The following TSHZ1 variants were observed in gnomAD, a reference collection of about 807,000 sequenced individuals.
TSHZ1 encodes the protein teashirt zinc finger homeobox 1.
A neutral mutation model predicts 67.1 loss-of-function variants in TSHZ1; 12 were observed. The ratio of observed to expected loss-of-function variants is 0.18; its 90% CI spans 0.11 to 0.29. The LOEUF (loss-of-function observed/expected upper bound fraction) is 0.29, where lower values mean the gene tolerates loss of function less well. Ranked by LOEUF, TSHZ1 falls within the 10% of genes least tolerant of loss-of-function variation. The pLI, the probability that TSHZ1 is intolerant of heterozygous loss-of-function variation, is 1.00. For synonymous variants in TSHZ1, 632 were observed against 622.4 expected (o/e 1.02, Z -0.23); for missense variants, 1,305 against 1,413.9 (o/e 0.92, Z 1.23).
intron 1 of TSHZ1, chr18:75,282,824 AC>A (rs971080380): frequency 1.3e-5 from 2 of 152,306 alleles, no homozygotes; most frequent in Admixed American, 6.5e-5. Flanking sequence ...ACTTATTAGC[AC>A]ACACAGGTTG....
intron 1 of TSHZ1, among the ~76,000 whole-genome samples, chr18:75,250,712 G>C (rs1033348066): frequency 6.6e-6 from 1 of 152,254 alleles, no homozygotes; most frequent in Admixed American, 6.5e-5. Context: ...CAGAGCTCGT[G>C]GGCCGGGCCT....
intron 1 of TSHZ1, among the ~76,000 whole-genome samples, chr18:75,216,651 G>A (rs777150747): frequency 3.3e-5 from 5 of 152,196 alleles, no homozygotes; most frequent in Non-Finnish European, 7.3e-5. Context: ...CCCTATTCTG[G>A]TCGTTGGATG....
intron 1 of TSHZ1, among the ~76,000 whole-genome samples, chr18:75,274,274 A>T (rs1176278471): frequency 6.6e-6 from 1 of 152,206 alleles, no homozygotes; most frequent in Non-Finnish European, 1.5e-5. Flanking sequence ...ACGTAATTGT[A>T]AAAGAAGAAT....
In TSHZ1 at chr18:75,287,419, C is replaced by T. The variant is rs138822817; in HGVS notation, c.2012C>T (p.Ser671Phe). The stretch of plus-strand genomic sequence containing the variant: ...AAGAGCTCCCTGGCCAAGGCTGCGT[C>T]CCCCATAGCAAAAGAGAATAAAGAT... Reference protein sequence around the residue: ...KEKSSLAKAASPIAKENKDFP... With the variant: ...KEKSSLAKAAFPIAKENKDFP... Residue 671 changes from serine (S) to phenylalanine (F), a missense_variant, in exon 2 of 2, where the codon TCC (serine) becomes TTC (phenylalanine). Physicochemically the swap from Ser to Phe is radical, Grantham distance 155 (BLOSUM62 -2). Coordinates refer to ENST00000580243, the MANE Select transcript of TSHZ1 (RefSeq NM_001308210.2). The surrounding 1 kb of genome is among the most constrained non-coding windows in gnomAD (Gnocchi z 5.0). 2 of 1,614,102 alleles carry T rather than the reference C, an allele frequency of 1.2e-6. No individual in the cohort carries two copies. The highest frequency in any genetic ancestry group is 1.7e-6 in the Non-Finnish European group (2 of 1,180,004).
intron 1 of TSHZ1, among the ~76,000 whole-genome samples, chr18:75,227,745 G>A (rs887795793): frequency 2.6e-5 from 4 of 152,172 alleles, no homozygotes; most frequent in African/African-American, 4.8e-5. Context: ...TGTTGCCTTC[G>A]CCAGGAACTT....
intron 1 of TSHZ1, among the ~76,000 whole-genome samples, chr18:75,216,669 A>G (rs78872279): frequency 0.026 from 3,945 of 152,316 alleles, 176 homozygotes; most frequent in African/African-American, 0.089. Flanking sequence ...ATGGCTGCAT[A>G]TGGGTGCAGA....
At chr18:75,226,224 A>C (rs966776200) in intron 1 of TSHZ1, among the ~76,000 whole-genome samples, 4 of 152,210 alleles carry the variant, frequency 2.6e-5, no homozygotes, top group Non-Finnish European at 4.4e-5. Context: ...CGTTATGTTT[A>C]ATTTTCCTCA....
intron 1 of TSHZ1, among the ~76,000 whole-genome samples, chr18:75,215,646 C>G (rs1352717287): frequency 1.3e-5 from 2 of 152,190 alleles, no homozygotes; most frequent in South Asian, 4.1e-4. Context: ...ACTGCAATAT[C>G]ATTGCAAAAT....
At chr18:75,252,502 G>A (rs1284443992) in intron 1 of TSHZ1, among the ~76,000 whole-genome samples, 3 of 152,098 alleles carry the variant, frequency 2.0e-5, no homozygotes, top group Admixed American at 6.5e-5. Context: ...CTTTTAAAGT[G>A]ATGTTTAAAG....
chr18:75,283,200 C>T (rs2023708140), intron 1 of TSHZ1: 1 of 152,432 alleles, frequency 6.6e-6, no homozygotes, highest in Non-Finnish European at 1.5e-5. Context: ...ATCCTGCAGC[C>T]TTCAGAGTCA....
chr18:75,250,563 G>A (rs2023288467), intron 1 of TSHZ1, among the ~76,000 whole-genome samples: 1 of 152,228 alleles, frequency 6.6e-6, no homozygotes, highest in Non-Finnish European at 1.5e-5. Context: ...CCAGCCAGGC[G>A]GTAGAGGGTC....
chr18:75,250,023 G>A (rs1009468167), intron 1 of TSHZ1, among the ~76,000 whole-genome samples: 2 of 147,998 alleles, frequency 1.4e-5, no homozygotes, highest in East Asian at 2.1e-4. Flanking sequence ...GGTGGAGGAC[G>A]CATGACTTCC....
chr18:75,275,374 T>C (rs1461189539), intron 1 of TSHZ1, among the ~76,000 whole-genome samples: 1 of 152,206 alleles, frequency 6.6e-6, no homozygotes, highest in Non-Finnish European at 1.5e-5. Flanking sequence ...CGTGCAGTGC[T>C]GTGAAGGTAA....
At chr18:75,253,022 T>C (rs2023322763) in intron 1 of TSHZ1, among the ~76,000 whole-genome samples, 1 of 152,220 alleles carries the variant, frequency 6.6e-6, no homozygotes, top group Non-Finnish European at 1.5e-5. Flanking sequence ...AGCATCTTTA[T>C]AGTGGTAAAT....
rs150674245 is a variant in TSHZ1, at chr18:75,287,515, A to G, written c.2108A>G (p.Lys703Arg). ...CCTGAGGCCGAGACTGGGAAGGCCAAAAAGGAGGGACCGCTGGACGTTCAC... is the reference window on the plus strand; with the variant it reads ...CCTGAGGCCGAGACTGGGAAGGCCAGAAAGGAGGGACCGCTGGACGTTCAC... ...KGPEAETGKA[K>R]KEGPLDVHTP... is the part of the protein sequence containing the mutation. The change falls in exon 2 of 2, where the codon AAA (lysine) becomes AGA (arginine). Residue 703 changes from lysine (K) to arginine (R), a missense_variant. Around this residue, in one of 3 missense-constraint regions of TSHZ1, gnomAD observed 909 missense variants for 961.8 expected, o/e 0.95. Coordinates refer to ENST00000580243, the MANE Select transcript of TSHZ1 (RefSeq NM_001308210.2). This position sits in a 1 kb window ranked among gnomAD's most constrained non-coding sequence, Gnocchi z 5.0. 1.9e-5 allele frequency: 31 copies of G among 1,614,238 alleles called. 1 individual carries two copies. In the African/African-American group the frequency reaches 3.6e-4, roughly 19 times the overall value.
intron 1 of TSHZ1, among the ~76,000 whole-genome samples, chr18:75,251,874 A>G (rs938948548): frequency 2.6e-5 from 4 of 152,214 alleles, no homozygotes; most frequent in African/African-American, 7.2e-5. Context: ...TAGCATCTCT[A>G]TACTTGCAGT....
At chr18:75,223,640 T>C (rs1262096794) in intron 1 of TSHZ1, among the ~76,000 whole-genome samples, 1 of 151,292 alleles carries the variant, frequency 6.6e-6, no homozygotes, top group Non-Finnish European at 1.5e-5. Flanking sequence ...AAAAAAAAAA[T>C]TGTCCCCCAC....
At chr18:75,247,882 TC>T (rs2023244377) in intron 1 of TSHZ1, among the ~76,000 whole-genome samples, 1 of 147,328 alleles carries the variant, frequency 6.8e-6, no homozygotes, top group African/African-American at 2.5e-5. Flanking sequence ...TTTTTTTACT[TC>T]CTGTTCATTT....
At chr18:75,269,808 G>A (rs1372402868) in intron 1 of TSHZ1, among the ~76,000 whole-genome samples, 6 of 151,908 alleles carry the variant, frequency 3.9e-5, no homozygotes, top group East Asian at 1.9e-4. Context: ...AGTACCCCTC[G>A]TTCCCAGCCC....
Sources: allele counts gnomAD v4.1 joint callset (sites outside exome capture counted in the v4.1 genomes callset), GRCh38; gene constraint gnomAD v4.1.1; regional missense constraint gnomAD v4.1.1; non-coding constraint Gnocchi (gnomAD v3.1); transcripts MANE v1.5; gene names NCBI Gene and HGNC (gene_info 2026-07-23, HGNC 2026-07-21).